The following SH3RF2 variants were observed in gnomAD, a reference collection of about 807,000 sequenced individuals.
SH3RF2 encodes the protein SH3 domain containing ring finger 2, also known as E3 ubiquitin-protein ligase SH3RF2.
In SH3RF2, 43 loss-of-function variants were observed where a neutral mutation model predicts 59.0. The ratio of observed to expected loss-of-function variants is 0.73; its 90% CI spans 0.57 to 0.94. The LOEUF (loss-of-function observed/expected upper bound fraction) is 0.94. Among genes scored for constraint, SH3RF2 ranks in the 40% least tolerant of loss-of-function variants. The probability of loss-of-function intolerance (pLI) is 0.00; values close to 1 mark genes in which losing one functional copy is unlikely to be tolerated. For missense variants in SH3RF2, 930 were observed against 940.1 expected (o/e 0.99, Z 0.14); for synonymous variants, 391 against 391.5 (o/e 1.00, Z 0.01).
At chr5:146,005,165 T>G (rs950760995) in intron 4 of SH3RF2, among the ~76,000 whole-genome samples, 1 of 151,960 alleles carries the variant, frequency 6.6e-6, no homozygotes, top group Admixed American at 6.6e-5. Flanking sequence ...AAAATCTTCT[T>G]TAAAAAAAAA....
intron 4 of SH3RF2, among the ~76,000 whole-genome samples, chr5:146,007,484 G>A (rs1001444505): frequency 6.6e-5 from 10 of 152,168 alleles, no homozygotes; most frequent in African/African-American, 2.4e-4. Context: ...GACTCTCCAA[G>A]GACAGACGTC....
intron 5 of SH3RF2, among the ~76,000 whole-genome samples, chr5:146,020,601 T>C (rs1334813441): frequency 6.6e-6 from 1 of 152,156 alleles, no homozygotes; most frequent in Non-Finnish European, 1.5e-5. Context: ...TCACAGCACA[T>C]TGTTTATACT....
At chr5:145,954,669 G>A (rs776366143) in intron 2 of SH3RF2, among the ~76,000 whole-genome samples, 5 of 152,132 alleles carry the variant, frequency 3.3e-5, no homozygotes, top group Non-Finnish European at 7.3e-5. Context: ...TTGTCTTCCA[G>A]GATTTTTATA....
intron 5 of SH3RF2, among the ~76,000 whole-genome samples, chr5:146,023,047 T>G (rs535020085): frequency 6.6e-6 from 1 of 152,246 alleles, no homozygotes; most frequent in Admixed American, 6.5e-5. Flanking sequence ...ATATGGCTCT[T>G]AAATTTCTTT....
intron 2 of SH3RF2, among the ~76,000 whole-genome samples, chr5:145,952,857 T>C (rs1758245376): frequency 6.6e-6 from 1 of 152,126 alleles, no homozygotes; most frequent in African/African-American, 2.4e-5. Context: ...GCTTAATCTT[T>C]TGAGGAAACT....
chr5:146,033,519 G>C (rs1209640646), intron 5 of SH3RF2, among the ~76,000 whole-genome samples: 1 of 131,102 alleles, frequency 7.6e-6, no homozygotes, highest in Non-Finnish European at 1.5e-5. Flanking sequence ...TGCCCAGGCT[G>C]GAGTGCAAAG....
At chr5:146,019,555 A>T (rs560627170) in intron 5 of SH3RF2, among the ~76,000 whole-genome samples, 1 of 151,654 alleles carries the variant, frequency 6.6e-6, no homozygotes, top group Admixed American at 6.6e-5. Flanking sequence ...ATGCCTCCAG[A>T]TTTTTTCTTT....
At chr5:145,951,198 A>G (rs1395785846) in intron 2 of SH3RF2, among the ~76,000 whole-genome samples, 1 of 152,236 alleles carries the variant, frequency 6.6e-6, no homozygotes, top group African/African-American at 2.4e-5. Context: ...TTTAATCCAC[A>G]GAGCAACACT....
chr5:145,971,407 G>A (rs1759074812), intron 2 of SH3RF2, among the ~76,000 whole-genome samples: 1 of 152,158 alleles, frequency 6.6e-6, no homozygotes, highest in Non-Finnish European at 1.5e-5. Context: ...GAGCATGTGG[G>A]GCTCCCTACC....
intron 2 of SH3RF2, among the ~76,000 whole-genome samples, chr5:145,962,512 T>C (rs965191169): frequency 6.6e-6 from 1 of 152,204 alleles, no homozygotes; most frequent in African/African-American, 2.4e-5. Flanking sequence ...TCCACAGTTA[T>C]TAGTGTTGGG....
At position 146,009,320 on chromosome 5, in the gene SH3RF2, G is replaced by A. The variant is rs538489671; in HGVS notation, c.745-4427G>A. 5.3e-5 allele frequency among the ~76,000 whole-genome samples: 8 copies of A among 152,136 alleles called. No homozygotes were observed. The South Asian group carries it at 1.7e-3, about 32-fold the overall frequency. The stretch of plus-strand genomic sequence containing the variant: ...AAATGGAAGCTTCCCAGGCTCTTGT[G>A]ATCTGGCCCCTGCCTGTCTCTGTGG... On this transcript the variant is annotated intron_variant, in intron 4 of 9. Coordinates refer to ENST00000359120, the MANE Select transcript of SH3RF2 (RefSeq NM_152550.4).
chr5:145,947,519 T>C (rs1425620056), intron 2 of SH3RF2, among the ~76,000 whole-genome samples: 1 of 152,246 alleles, frequency 6.6e-6, no homozygotes, highest in Non-Finnish European at 1.5e-5. Context: ...TATGATTAGC[T>C]ATCTCCTTGT....
chr5:146,044,227 T>C (rs1255208677), intron 5 of SH3RF2, among the ~76,000 whole-genome samples: 7 of 151,672 alleles, frequency 4.6e-5, no homozygotes, highest in Non-Finnish European at 4.4e-5. Context: ...CTCGGCTCAC[T>C]GTAATCTCTG....
At position 145,937,851 on chromosome 5, in the gene SH3RF2, A is replaced by G; in HGVS notation, c.-78A>G. 1 of 1,511,452 alleles carries G rather than the reference A, an allele frequency of 6.6e-7. No homozygotes were observed. Among genetic ancestry groups the G allele is most frequent in the Non-Finnish European group, 8.8e-7 (1 of 1,130,028 alleles). The allele number at this position is 1,511,452 out of a possible 1,614,324, so 93.6% of individuals were successfully genotyped here. A position where few individuals can be genotyped will look rare whatever the true frequency, so the allele number is the denominator to read the frequency against. ...AAAATTCTGACGTTCTCAAGAGACC[A>G]GCTCTGCCCCCGTGGCTCAACTGAC... is the stretch of plus-strand genomic sequence containing the variant. On this transcript the variant is annotated 5_prime_UTR_variant, in exon 2 of 10. Coordinates refer to ENST00000359120, the MANE Select transcript of SH3RF2 (RefSeq NM_152550.4).
chr5:146,001,704 C>A (rs1390192333), intron 3 of SH3RF2, among the ~76,000 whole-genome samples: 1 of 152,236 alleles, frequency 6.6e-6, no homozygotes, highest in African/African-American at 2.4e-5. Context: ...TCATTCATTT[C>A]TTGAGCCCAT....
intron 5 of SH3RF2, among the ~76,000 whole-genome samples, chr5:146,017,648 T>C (rs1761155904): frequency 1.3e-5 from 2 of 152,152 alleles, no homozygotes; most frequent in South Asian, 4.2e-4. Context: ...AAAGCTCTTT[T>C]TCCCTCACCT....
In SH3RF2 at chr5:145,999,433, G is replaced by C. The variant is rs531289760; in HGVS notation, c.379-625G>C. ...TTTCTTTTGCATTCACAGCTTGACT[G>C]TTTGTCACAAGAGGCCTAGCTTTTG... On this transcript the variant is annotated intron_variant, in intron 2 of 9. Coordinates refer to ENST00000359120, the MANE Select transcript of SH3RF2 (RefSeq NM_152550.4). 1.3e-4 allele frequency among the ~76,000 whole-genome samples: 20 copies of C among 152,272 alleles called. No individual in the cohort carries two copies. The South Asian group carries it at 2.9e-3, about 22-fold the overall frequency.
At chr5:145,953,469 A>G (rs1758269629) in intron 2 of SH3RF2, among the ~76,000 whole-genome samples, 1 of 152,210 alleles carries the variant, frequency 6.6e-6, no homozygotes, top group Non-Finnish European at 1.5e-5. Flanking sequence ...CTGCAGGGGA[A>G]GATGCAGAGG....
chr5:145,970,889 G>T lies in SH3RF2; in HGVS notation c.379-29169G>T, dbSNP rs904375275. On this transcript the variant is annotated intron_variant, in intron 2 of 9. Coordinates refer to ENST00000359120, the MANE Select transcript of SH3RF2 (RefSeq NM_152550.4). The stretch of plus-strand genomic sequence containing the variant: ...ATGAACATGTAATTTTCACTGATAC[G>T]GCCACAAATGCAATTTGATCTCTAC... 2.0e-5 allele frequency among the ~76,000 whole-genome samples: 3 copies of T among 152,072 alleles called. No homozygotes were observed. In the East Asian group the frequency reaches 5.8e-4, roughly 29 times the overall value.
Sources: allele counts gnomAD v4.1 joint callset (sites outside exome capture counted in the v4.1 genomes callset), GRCh38; gene constraint gnomAD v4.1.1; transcripts MANE v1.5; gene names NCBI Gene and HGNC (gene_info 2026-07-23, HGNC 2026-07-21).